The following ADGRG4 variants were observed in gnomAD, a reference collection of about 807,000 sequenced individuals.
ADGRG4 encodes G protein-coupled receptor 112.
A neutral mutation model predicts 126.2 loss-of-function variants in ADGRG4; 122 were observed. The ratio of observed to expected loss-of-function variants is 0.97; its 90% CI spans 0.83 to 1.12. The LOEUF (loss-of-function observed/expected upper bound fraction) is 1.12. ADGRG4 is among the 50% of genes most tolerant of loss of function. The pLI, the probability that ADGRG4 is intolerant of heterozygous loss-of-function variation, is 0.00. For synonymous variants in ADGRG4, 943 were observed against 838.7 expected (o/e 1.12, Z -2.15); for missense variants, 2,481 against 2,251.8 (o/e 1.10, Z -2.06).
In ADGRG4 at chrX:136,361,802, A is replaced by T. The variant is rs193082036; in HGVS notation, c.7277+215A>T. The stretch of plus-strand genomic sequence containing the variant: ...AAAGATAAAAGTTACCCATCATCCC[A>T]GAAGAAAATTCAAGAAGACAAAAGA... On this transcript the variant is annotated intron_variant, in intron 12 of 25. Transcript: ENST00000394143. Among the ~76,000 whole-genome samples, 77 of 112,295 alleles carry T rather than the reference A, an allele frequency of 6.9e-4. 1 individual carries two copies. Among genetic ancestry groups the T allele is most frequent in the Admixed American group, 4.2e-3 (45 of 10,630 alleles).
intron 23 of ADGRG4, among the ~76,000 whole-genome samples, chrX:136,408,633 T>C (rs1273029093): frequency 8.9e-6 from 1 of 112,143 alleles, no homozygotes; most frequent in Non-Finnish European, 1.9e-5. Flanking sequence ...GGGCACCTAG[T>C]TTGATTCCAT....
intron 20 of ADGRG4, 47 bp from the exon 21 acceptor site, chrX:136,399,801 A>C (rs753691297): frequency 9.0e-7 from 1 of 1,107,331 alleles, no homozygotes; most frequent in South Asian, 2.1e-5. Flanking sequence ...TTTAATTAAA[A>C]AAAAAAAAAC....
chrX:136,319,747 CTATCATCT>C (rs1292758959), intron 4 of ADGRG4, among the ~76,000 whole-genome samples: 24 of 108,404 alleles, frequency 2.2e-4, no homozygotes, highest in African/African-American at 5.4e-4. Context: ...ATCTATCTAT[CTATCATCT>C]ATCTATTATC....
chrX:136,320,950 T>C (rs1204889577), intron 4 of ADGRG4, among the ~76,000 whole-genome samples: 3 of 110,789 alleles, frequency 2.7e-5, no homozygotes, highest in Non-Finnish European at 5.7e-5. Context: ...TAAATTAGTA[T>C]ACTGCAGAGA....
At chrX:136,324,469 A>G (rs1279892667) in intron 5 of ADGRG4, among the ~76,000 whole-genome samples, 1 of 111,011 alleles carries the variant, frequency 9.0e-6, no homozygotes. Flanking sequence ...GTGAAGTGGC[A>G]TGATCATAGC....
rs746063102 is a variant in ADGRG4 at position 136,359,283 on chromosome X, G to T, written c.6981-9G>T. On this transcript the variant is annotated splice_polypyrimidine_tract_variant and intron_variant, in intron 10 of 25. Coordinates refer to ENST00000394143, the MANE Select transcript of ADGRG4 (RefSeq NM_153834.4). Reference sequence around the variant, plus strand: ...TGCAACAATCTTTCTTTTTTATTCTGCTTTGTAGTTGTGTTTGTCAGGTCA... The same window carrying T: ...TGCAACAATCTTTCTTTTTTATTCTTCTTTGTAGTTGTGTTTGTCAGGTCA... The T allele has an allele frequency of 5.0e-6, 6 of 1,192,787 alleles. No homozygotes were observed. The highest frequency in any genetic ancestry group is 6.8e-6 in the Non-Finnish European group (6 of 886,885).
chrX:136,404,726 A>G (rs1368318782), intron 22 of ADGRG4, among the ~76,000 whole-genome samples: 2 of 112,027 alleles, frequency 1.8e-5, no homozygotes, highest in African/African-American at 6.5e-5. Context: ...ACACTATCTC[A>G]TTTTAACAGT....
chrX:136,356,446 A>G (rs930721752), intron 9 of ADGRG4, among the ~76,000 whole-genome samples: 1 of 111,665 alleles, frequency 9.0e-6, no homozygotes, highest in Non-Finnish European at 1.9e-5. Context: ...ATGTCTTGCA[A>G]AAAAAACCTA....
At chrX:136,303,207 C>G (rs921937748) in intron 1 of ADGRG4, among the ~76,000 whole-genome samples, 1 of 111,472 alleles carries the variant, frequency 9.0e-6, no homozygotes, top group Non-Finnish European at 1.9e-5. Context: ...GTGGTCCCAG[C>G]TACTCTGGAG....
intron 14 of ADGRG4, among the ~76,000 whole-genome samples, chrX:136,372,205 C>T (rs928682030): frequency 6.3e-5 from 7 of 111,514 alleles, no homozygotes; most frequent in African/African-American, 2.0e-4. Flanking sequence ...GTGGAAAACT[C>T]GAGAACAGTA....
chrX:136,312,362 C>T (rs1370508738), intron 4 of ADGRG4, among the ~76,000 whole-genome samples: 1 of 112,055 alleles, frequency 8.9e-6, no homozygotes, highest in Non-Finnish European at 1.9e-5. Flanking sequence ...TGTGGTGGCT[C>T]ATGCCTGTAA....
chrX:136,400,027 T>C lies in ADGRG4; in HGVS notation c.8486T>C (p.Leu2829Pro), dbSNP rs931570208. 8.3e-7 allele frequency: 1 copy of C among 1,205,273 alleles called. No individual in the cohort carries two copies. Among genetic ancestry groups the C allele is most frequent in the African/African-American group, 1.7e-5 (1 of 57,194 alleles). Residue 2829 changes from leucine to proline, a missense_variant, in exon 21 of 26, where the codon CTG becomes CCG. By Grantham distance (98) the Leu-to-Pro change is moderately conservative (BLOSUM62 -3). Transcript: ENST00000394143. ...FLLVSFTWMG[L>P]EAVHMYLALV... is the part of the protein sequence containing the mutation. ...CTTGTTTCTTTTACTTGGATGGGCC[T>C]GGAGGCAGTCCACATGTATTTGGCT...
intron 5 of ADGRG4, among the ~76,000 whole-genome samples, chrX:136,329,413 G>A (rs748403337): frequency 3.2e-3 from 360 of 112,071 alleles, no homozygotes; most frequent in Non-Finnish European, 5.8e-3. Flanking sequence ...TGTGTAGAGT[G>A]AAAGAGCAAA....
chrX:136,334,152 C>CT (rs1270352481), intron 5 of ADGRG4, among the ~76,000 whole-genome samples: 23 of 95,906 alleles, frequency 2.4e-4, no homozygotes, highest in Admixed American at 6.0e-4. Context: ...CTTTTTCTTT[C>CT]TTTTTTTTGG....
intron 15 of ADGRG4, among the ~76,000 whole-genome samples, chrX:136,376,899 A>G (rs916489018): frequency 9.0e-6 from 1 of 110,700 alleles, no homozygotes; most frequent in Non-Finnish European, 1.9e-5. Context: ...GGTGAACAGC[A>G]ACAGCTTGAC....
chrX:136,348,969 C>T lies in ADGRG4; in HGVS notation c.5263C>T (p.His1755Tyr). The change falls in exon 6 of 26, where the codon CAT (histidine) becomes TAT (tyrosine). Residue 1755 changes from histidine (H) to tyrosine (Y), a missense_variant. Physicochemically the swap from His to Tyr is moderately conservative, Grantham distance 83. Transcript: ENST00000394143. ...TVPENMLSPT[H>Y]ADSLHTSFNI... The stretch of plus-strand genomic sequence containing the variant: ...TCCTGAAAATATGCTTTCACCTACT[C>T]ATGCAGATAGTCTCCATACTTCCTT... The T allele has an allele frequency of 2.5e-5, 30 of 1,209,269 alleles. No homozygotes were observed. The highest frequency in any genetic ancestry group is 3.2e-5 in the Non-Finnish European group (29 of 893,640).
Position 136,346,515 on chromosome X carries a change from T to G in ADGRG4, c.2809T>G (p.Tyr937Asp). The G allele has an allele frequency of 5.0e-6, 6 of 1,204,322 alleles. No individual in the cohort carries two copies. Among genetic ancestry groups the G allele is most frequent in the Non-Finnish European group, 6.7e-6 (6 of 889,085 alleles). Residue 937 changes from tyrosine to aspartate, a missense_variant, in exon 6 of 26, where the codon TAT becomes GAT. Physicochemically the swap from Tyr to Asp is radical, Grantham distance 160 (BLOSUM62 -3). Transcript: ENST00000394143. ...MTEMFNFNHT[Y>D]VAHWTSETSE... Reference sequence around the variant, plus strand: ...AGAAATGTTTAATTTTAACCACACCTATGTAGCACATTGGACTTCAGAGAC... The same window carrying G: ...AGAAATGTTTAATTTTAACCACACCGATGTAGCACATTGGACTTCAGAGAC...
intron 23 of ADGRG4, 147 bp downstream of exon 23, chrX:136,406,119 G>A (rs2075408240): frequency 1.7e-6 from 1 of 595,359 alleles, no homozygotes; most frequent in Non-Finnish European, 2.5e-6. Flanking sequence ...CTTGCTCAGT[G>A]GTATAGGGAG....
intron 23 of ADGRG4, among the ~76,000 whole-genome samples, chrX:136,410,748 G>A (rs144636281): frequency 9.0e-6 from 1 of 111,509 alleles, no homozygotes; most frequent in African/African-American, 3.3e-5. Flanking sequence ...CAAAGACAAA[G>A]GGCAAAATGA....
Sources: allele counts gnomAD v4.1 joint callset (sites outside exome capture counted in the v4.1 genomes callset), GRCh38; gene constraint gnomAD v4.1.1; transcripts MANE v1.5; gene names NCBI Gene and HGNC (gene_info 2026-07-23, HGNC 2026-07-21).